SIMC1: variants seen among roughly 807,000 people sequenced by gnomAD.
The protein encoded by SIMC1 is SUMO-interacting motif-containing protein 1.
In SIMC1, 55 loss-of-function variants were observed where a neutral mutation model predicts 82.3. That is an observed-to-expected ratio of 0.67 (90% CI 0.54 to 0.84). The LOEUF is 0.84. Among genes scored for constraint, SIMC1 ranks in the 40% least tolerant of loss-of-function variants. The pLI is 0.00. For synonymous variants in SIMC1, 353 were observed against 426.3 expected, an observed-to-expected ratio of 0.83 and a Z score of 2.12; for missense variants, 915 against 1,107.2, an observed-to-expected ratio of 0.83 and a Z score of 2.46.
rs1765303455 is a variant in SIMC1, at chr5:176,324,755, G to A, written c.2169G>A (p.Gln723=). 6.3e-7 allele frequency: 1 copy of A among 1,589,862 alleles called. No homozygotes were observed. The highest frequency in any genetic ancestry group is 8.6e-7 in the Non-Finnish European group (1 of 1,167,856). ...TGCTGGACATTCCTGAGAGGAGCCA[G>A]AGGTGAGTCTTGATTTTGTTGGGGA... is the stretch of plus-strand genomic sequence containing the variant. ...GFVLDIPERS[Q]REMFFTTMES... is the part of the protein sequence containing the mutation. The change falls in exon 7 of 10, where the codon CAG becomes CAA. Residue 723 remains glutamine, a splice_region_variant and synonymous_variant. Coordinates refer to ENST00000429602, the MANE Select transcript of SIMC1 (RefSeq NM_001308195.2).
rs1761260132 is a variant in SIMC1 at position 176,241,062 on chromosome 5, T to TC, written c.129+2425_129+2426insC. On this transcript the variant is annotated intron_variant, in intron 1 of 9. Transcript: ENST00000429602. ...TGCTTGAACTTGAGAAAGCCATGTCTAATGCTGAAGTTGACATTTCTGAAC... is the reference window on the plus strand; with the variant it reads ...TGCTTGAACTTGAGAAAGCCATGTCTCAATGCTGAAGTTGACATTTCTGAAC... 1.2e-4 allele frequency among the ~76,000 whole-genome samples: 9 copies of TC among 76,204 alleles called. 2 individuals are homozygous for TC. Among genetic ancestry groups the TC allele is most frequent in the Admixed American group, 7.8e-4 (6 of 7,696 alleles). The allele number at this position is 76,204 out of a possible 152,430, so 50.0% of individuals were successfully genotyped here.
intron 2 of SIMC1, among the ~76,000 whole-genome samples, chr5:176,293,203 C>T (rs758925875): frequency 2.6e-5 from 4 of 152,000 alleles, no homozygotes; most frequent in Admixed American, 6.6e-5. Context: ...TTTGGGAGGC[C>T]GTGGTCGGTG....
At chr5:176,280,231 G>A (rs1762926342) in intron 1 of SIMC1, among the ~76,000 whole-genome samples, 1 of 152,070 alleles carries the variant, frequency 6.6e-6, no homozygotes, top group Non-Finnish European at 1.5e-5. Flanking sequence ...TTATCTAATG[G>A]CCTTCTTTGT....
chr5:176,292,310 A>C (rs905017329), intron 2 of SIMC1, among the ~76,000 whole-genome samples: 1 of 152,118 alleles, frequency 6.6e-6, no homozygotes, highest in African/African-American at 2.4e-5. Context: ...CACCGTATGA[A>C]GTGTTTTTTA....
Position 176,324,622 on chromosome 5 carries a change from G to T in SIMC1, c.2043-7G>T. The T allele has an allele frequency of 6.2e-7, 1 of 1,610,492 alleles. No homozygotes were observed. Among genetic ancestry groups the T allele is most frequent in the South Asian group, 1.1e-5 (1 of 90,014 alleles). ...ACACTCATCTGTGTCCTATGTTCTG[G>T]ACTCAGGATTGTGTGCCAGCTTCAG... On this transcript the variant is annotated splice_region_variant and splice_polypyrimidine_tract_variant and intron_variant, in intron 6 of 9. Transcript: ENST00000429602.
chr5:176,310,929 A>G (rs1426411142), intron 4 of SIMC1, among the ~76,000 whole-genome samples: 1 of 152,242 alleles, frequency 6.6e-6, no homozygotes, highest in Non-Finnish European at 1.5e-5. Context: ...TACCATTAAT[A>G]TGGGCAGACG....
Position 176,337,091 on chromosome 5 carries a change from CG to C in SIMC1, c.2359del (p.Glu787AsnfsTer17). On this transcript the variant is annotated frameshift_variant, in exon 9 of 10. Transcript: ENST00000429602. LOFTEE classifies it high-confidence loss of function. ...SDKSQWQTWD[E>X]LVEHLQFLLS... ...ATAAAAGCCAGTGGCAGACTTGGGA[CG>C]AATTGGTTGAGCATCTGCAGTTTCT... The C allele has an allele frequency of 6.2e-7, 1 of 1,613,902 alleles. No individual in the cohort carries two copies. The highest frequency in any genetic ancestry group is 8.5e-7 in the Non-Finnish European group (1 of 1,179,868).
At chr5:176,274,124 G>GTATAA (rs1762573748) in intron 1 of SIMC1, among the ~76,000 whole-genome samples, 2 of 148,732 alleles carry the variant, frequency 1.3e-5, no homozygotes, top group South Asian at 4.4e-4. Context: ...CCCACCAACA[G>GTATAA]TATAAAAGTG....
chr5:176,306,032 TG>T (rs1491149010), intron 4 of SIMC1, among the ~76,000 whole-genome samples: 2 of 15,970 alleles, frequency 1.3e-4, no homozygotes, highest in East Asian at 1.8e-3. Context: ...GGAGGGAGGT[TG>T]GGGGGGGTCA....
At chr5:176,241,602 A>ACC (rs555243584) in intron 1 of SIMC1, among the ~76,000 whole-genome samples, 47 of 151,692 alleles carry the variant, frequency 3.1e-4, no homozygotes, top group Middle Eastern at 3.4e-3. Context: ...AGGGTTGCTA[A>ACC]CCCCCCCGTG....
chr5:176,251,658 AG>A (rs940740580), intron 1 of SIMC1, among the ~76,000 whole-genome samples: 7 of 150,526 alleles, frequency 4.7e-5, no homozygotes, highest in Non-Finnish European at 1.0e-4. Context: ...ATAGGACAAT[AG>A]TGGAGGGAAG....
At chr5:176,283,972 T>A (rs1763139859) in intron 1 of SIMC1, among the ~76,000 whole-genome samples, 1 of 152,184 alleles carries the variant, frequency 6.6e-6, no homozygotes, top group Non-Finnish European at 1.5e-5. Context: ...CAAGAAGACC[T>A]AACTATCCTA....
intron 2 of SIMC1, among the ~76,000 whole-genome samples, chr5:176,291,970 C>G (rs942910699): frequency 2.0e-5 from 3 of 152,126 alleles, no homozygotes; most frequent in Non-Finnish European, 4.4e-5. Context: ...GCAGGAGAAT[C>G]ACCTGAATCT....
At chr5:176,343,243 T>C (rs1766229590) in intron 9 of SIMC1, among the ~76,000 whole-genome samples, 2 of 152,370 alleles carry the variant, frequency 1.3e-5, no homozygotes, top group South Asian at 4.1e-4. Context: ...TTCTGTGTCC[T>C]AAATCTGGAT....
intron 1 of SIMC1, among the ~76,000 whole-genome samples, chr5:176,259,275 C>T (rs533323581): frequency 3.2e-4 from 48 of 151,242 alleles, no homozygotes; most frequent in Non-Finnish European, 4.6e-4. Context: ...AGACCAGCCT[C>T]GACAATATGG....
intron 4 of SIMC1, among the ~76,000 whole-genome samples, chr5:176,303,238 A>G (rs1764116900): frequency 7.0e-6 from 1 of 143,668 alleles, no homozygotes; most frequent in Non-Finnish European, 1.5e-5. Flanking sequence ...ACTGCATTCC[A>G]GTGTGGGTGA....
intron 1 of SIMC1, among the ~76,000 whole-genome samples, chr5:176,284,218 A>G (rs1403914737): frequency 1.3e-5 from 2 of 152,228 alleles, no homozygotes; most frequent in African/African-American, 4.8e-5. Flanking sequence ...TGAACAGAAT[A>G]TACATTCTTC....
intron 9 of SIMC1, among the ~76,000 whole-genome samples, chr5:176,341,750 GTGATGATGATGA>G (rs59865118): frequency 3.3e-5 from 5 of 151,610 alleles, no homozygotes; most frequent in African/African-American, 4.8e-5. Flanking sequence ...GATTCCTATA[GTGATGATGATGA>G]TGATGATGAT....
chr5:176,289,731 A>T lies in SIMC1; in HGVS notation c.207A>T (p.Arg69Ser), dbSNP rs370403723. Residue 69 changes from arginine to serine, a missense_variant, in exon 2 of 10, where the codon AGA becomes AGT. Arg to Ser is a moderately radical substitution (Grantham distance 110). Around this residue, in one of 2 missense-constraint regions of SIMC1, gnomAD observed 902 missense variants for 1,040.3 expected, o/e 0.87. Coordinates refer to ENST00000429602, the MANE Select transcript of SIMC1 (RefSeq NM_001308195.2). ...GACTGTATGTGATTGACCTGACAAGAGCTGAGGGAGAAAATAGACCTATTG... is the reference window on the plus strand; with the variant it reads ...GACTGTATGTGATTGACCTGACAAGTGCTGAGGGAGAAAATAGACCTATTG... ...RSGLYVIDLT[R>S]AEGENRPIAT... is the part of the protein sequence containing the mutation. The T allele has an allele frequency of 2.9e-5, 47 of 1,613,502 alleles. No individual in the cohort carries two copies. Among genetic ancestry groups the T allele is most frequent in the Non-Finnish European group, 3.8e-5 (45 of 1,179,762 alleles).
Sources: allele counts gnomAD v4.1 joint callset (sites outside exome capture counted in the v4.1 genomes callset), GRCh38; gene constraint gnomAD v4.1.1; regional missense constraint gnomAD v4.1.1; transcripts MANE v1.5; gene names NCBI Gene and HGNC (gene_info 2026-07-23, HGNC 2026-07-21).